Variants in PRKCB observed in about 807,000 individuals in gnomAD.
PRKCB encodes protein kinase C beta type.
In PRKCB, 13 loss-of-function variants were observed where a neutral mutation model predicts 81.5. The ratio of observed to expected loss-of-function variants is 0.16; its 90% CI spans 0.10 to 0.25. PRKCB has a LOEUF of 0.25. Ranked by LOEUF, PRKCB falls within the 10% of genes least tolerant of loss-of-function variation. PRKCB has a pLI of 1.00. For missense variants in PRKCB, 509 were observed against 875.7 expected (o/e 0.58, Z 5.29); for synonymous variants, 335 against 321.4 (o/e 1.04, Z -0.45).
At chr16:23,865,717 A>C (rs1456622244) in intron 2 of PRKCB, among the ~76,000 whole-genome samples, 2 of 151,294 alleles carry the variant, frequency 1.3e-5, no homozygotes, top group Non-Finnish European at 2.9e-5. Flanking sequence ...GCTGTATTTC[A>C]TCAGGTGCCT....
chr16:23,980,517 G>T (rs1261308244), intron 2 of PRKCB, among the ~76,000 whole-genome samples: 1 of 152,186 alleles, frequency 6.6e-6, no homozygotes, highest in Non-Finnish European at 1.5e-5. Context: ...ATAAAATAAG[G>T]CTCAGAGAGG....
At chr16:24,121,445 G>A (rs1596557273) in intron 8 of PRKCB, among the ~76,000 whole-genome samples, 1 of 152,088 alleles carries the variant, frequency 6.6e-6, no homozygotes, top group East Asian at 1.9e-4. Flanking sequence ...ACAGTGATCA[G>A]AGCTTACTGC....
chr16:24,185,205 A>T lies in PRKCB; in HGVS notation c.1614+14A>T. On this transcript the variant is annotated intron_variant, in intron 14 of 16. Transcript: ENST00000643927. Reference sequence around the variant, plus strand: ...TTGGCTGGGCAGGTAATTGAATTTTAAGTGATCGATAAGAGAAGTCCTCCC... The same window carrying T: ...TTGGCTGGGCAGGTAATTGAATTTTTAGTGATCGATAAGAGAAGTCCTCCC... The T allele has an allele frequency of 6.2e-7, 1 of 1,609,924 alleles. No individual in the cohort carries two copies. Among genetic ancestry groups the T allele is most frequent in the Non-Finnish European group, 8.5e-7 (1 of 1,176,922 alleles).
intron 16 of PRKCB, among the ~76,000 whole-genome samples, chr16:24,210,273 T>A (rs1241010927): frequency 6.6e-6 from 1 of 152,102 alleles, no homozygotes; most frequent in Non-Finnish European, 1.5e-5. Flanking sequence ...TGTGGCCCCT[T>A]GGTCACTCTG....
rs1338870383 is a variant in PRKCB at position 24,116,516 on chromosome 16, G to A, written c.918+3447G>A. On this transcript the variant is annotated intron_variant, in intron 8 of 16. Coordinates refer to ENST00000643927, the MANE Select transcript of PRKCB (RefSeq NM_002738.7). ...AGATAGTGATAGTTCTGACCCAGTG[G>A]GGTCCTCCCTTCCTGGGAACAAGTG... Among the ~76,000 whole-genome samples, 5 of 152,138 alleles carry A rather than the reference G, an allele frequency of 3.3e-5. No individual in the cohort carries two copies. In the South Asian group the frequency reaches 8.3e-4, roughly 25 times the overall value.
intron 2 of PRKCB, among the ~76,000 whole-genome samples, chr16:23,908,220 T>C (rs929095818): frequency 3.9e-5 from 6 of 152,068 alleles, no homozygotes; most frequent in African/African-American, 7.3e-5. Context: ...GGATTCTTTA[T>C]GACAGTGCTG....
At chr16:24,133,094 A>G (rs982410164) in intron 9 of PRKCB, among the ~76,000 whole-genome samples, 14 of 152,092 alleles carry the variant, frequency 9.2e-5, no homozygotes, top group African/African-American at 3.4e-4. Context: ...AGCAGAGTTT[A>G]TGGCCAGGTG....
intron 8 of PRKCB, among the ~76,000 whole-genome samples, chr16:24,122,303 A>G (rs1966807492): frequency 6.6e-6 from 1 of 152,146 alleles, no homozygotes; most frequent in Non-Finnish European, 1.5e-5. Flanking sequence ...GGAGGCTGAA[A>G]TCAGAGGGGC....
intron 9 of PRKCB, among the ~76,000 whole-genome samples, chr16:24,141,042 G>A (rs1257332579): frequency 6.6e-6 from 1 of 152,082 alleles, no homozygotes; most frequent in Non-Finnish European, 1.5e-5. Flanking sequence ...TTTTGCAAAG[G>A]CGATTTCATT....
At chr16:24,206,432 C>G (rs1353504368) in intron 16 of PRKCB, among the ~76,000 whole-genome samples, 1 of 152,142 alleles carries the variant, frequency 6.6e-6, no homozygotes, top group East Asian at 1.9e-4. Flanking sequence ...CTGAAGGTGT[C>G]CTGGTGTCTT....
Position 24,214,899 on chromosome 16 carries a change from C to G in PRKCB, c.*83C>G. 1 of 1,560,494 alleles carries G rather than the reference C, an allele frequency of 6.4e-7. No homozygotes were observed. The highest frequency in any genetic ancestry group is 1.4e-5 in the African/African-American group (1 of 73,824). The stretch of plus-strand genomic sequence containing the variant: ...GTGACATTTTTATGTTTTTCATTGC[C>G]AAGTTGCATCCATGTTTGATTTTCT... On this transcript the variant is annotated 3_prime_UTR_variant, in exon 17 of 17. Transcript: ENST00000643927.
chr16:23,905,869 A>G (rs1963551761), intron 2 of PRKCB, among the ~76,000 whole-genome samples: 4 of 152,172 alleles, frequency 2.6e-5, no homozygotes, highest in Non-Finnish European at 5.9e-5. Context: ...ATAATGTCTC[A>G]TGGGGATTGA....
chr16:24,188,466 C>G lies in PRKCB; in HGVS notation c.1723-2624C>G, dbSNP rs142445493. Among the ~76,000 whole-genome samples the G allele has an allele frequency of 6.6e-3, 1,009 of 152,196 alleles. 10 individuals carry two copies. The highest frequency in any genetic ancestry group is 0.027 in the Middle Eastern group (8 of 294). On this transcript the variant is annotated intron_variant, in intron 15 of 16. Coordinates refer to ENST00000643927, the MANE Select transcript of PRKCB (RefSeq NM_002738.7). ...ATTAATGCTGGATGTTTTTGCAGTA[C>G]CTTTTCTTTGCTTGGCATCCTCCTG... is the stretch of plus-strand genomic sequence containing the variant.
At chr16:24,207,545 T>A (rs1422038771) in intron 16 of PRKCB, among the ~76,000 whole-genome samples, 1 of 152,248 alleles carries the variant, frequency 6.6e-6, no homozygotes, top group Non-Finnish European at 1.5e-5. Context: ...AGTAATTATA[T>A]AACTATGTCA....
intron 5 of PRKCB, among the ~76,000 whole-genome samples, chr16:24,087,837 C>T (rs1015664014): frequency 5.9e-5 from 9 of 152,176 alleles, no homozygotes; most frequent in African/African-American, 1.7e-4. Context: ...GCAGAGGCCT[C>T]GCTTGCTCCA....
intron 2 of PRKCB, among the ~76,000 whole-genome samples, chr16:23,950,954 G>A (rs1964272374): frequency 6.6e-6 from 1 of 152,168 alleles, no homozygotes; most frequent in Admixed American, 6.5e-5. Flanking sequence ...TATTCCCTGA[G>A]TAGCAAGCCC....
At chr16:24,115,008 G>A (rs188621292) in intron 8 of PRKCB, among the ~76,000 whole-genome samples, 21 of 152,272 alleles carry the variant, frequency 1.4e-4, no homozygotes, top group Non-Finnish European at 2.6e-4. Flanking sequence ...AAAAAGAGGG[G>A]AAAATGTATT....
rs148496342 is a variant in PRKCB at position 23,863,136 on chromosome 16, A to C, written c.205+25730A>C. Among the ~76,000 whole-genome samples, 706 of 147,534 alleles carry C rather than the reference A, an allele frequency of 4.8e-3. 3 individuals are homozygous for C. Among genetic ancestry groups the C allele is most frequent in the African/African-American group, 0.017 (673 of 40,546 alleles). Reference sequence around the variant, plus strand: ...TATGATCATATAATCATATATATGCATGTGTATGTGTATATATATACACAT... The same window carrying C: ...TATGATCATATAATCATATATATGCCTGTGTATGTGTATATATATACACAT... On this transcript the variant is annotated intron_variant, in intron 2 of 16. Transcript: ENST00000643927.
rs139860685 is a variant in PRKCB at position 24,084,531 on chromosome 16, A to G, written c.530-8260A>G. 1.1e-4 allele frequency among the ~76,000 whole-genome samples: 17 copies of G among 152,310 alleles called. No individual in the cohort carries two copies. In the East Asian group the frequency reaches 1.2e-3, roughly 10 times the overall value. On this transcript the variant is annotated intron_variant, in intron 5 of 16. Transcript: ENST00000643927. ...TTTAAATAATATAATTAGAGTGAAT[A>G]TAAAATACCTCTCTATCTTGAATCC...
Sources: allele counts gnomAD v4.1 joint callset (sites outside exome capture counted in the v4.1 genomes callset), GRCh38; gene constraint gnomAD v4.1.1; transcripts MANE v1.5; gene names NCBI Gene and HGNC (gene_info 2026-07-23, HGNC 2026-07-21).